AHCYL2: variants seen among roughly 807,000 people sequenced by gnomAD.
AHCYL2 encodes the protein S-adenosylhomocysteine hydrolase-like protein 2.
A neutral mutation model predicts 81.4 loss-of-function variants in AHCYL2; 28 were observed. The ratio of observed to expected loss-of-function variants is 0.34; its 90% CI spans 0.25 to 0.47. AHCYL2 has a LOEUF of 0.47. Ranked by LOEUF, AHCYL2 falls within the 20% of genes least tolerant of loss-of-function variation. AHCYL2 has a pLI of 1.00. For missense variants in AHCYL2, 551 were observed against 785.1 expected (o/e 0.70, Z 3.56); for synonymous variants, 272 against 290.2 (o/e 0.94, Z 0.64).
chr7:129,321,487 A>G (rs1384806438), intron 1 of AHCYL2, among the ~76,000 whole-genome samples: 1 of 152,188 alleles, frequency 6.6e-6, no homozygotes, highest in Non-Finnish European at 1.5e-5. Flanking sequence ...ATGCCAGACC[A>G]ATCTTGCATT....
intron 1 of AHCYL2, among the ~76,000 whole-genome samples, chr7:129,314,624 C>T (rs1396289000): frequency 1.3e-5 from 2 of 152,168 alleles, no homozygotes; most frequent in Non-Finnish European, 2.9e-5. Flanking sequence ...TTTATAAGGG[C>T]ACTAATCCCA....
chr7:129,292,696 G>A (rs1237130076), intron 1 of AHCYL2, among the ~76,000 whole-genome samples: 2 of 152,048 alleles, frequency 1.3e-5, no homozygotes, highest in African/African-American at 2.4e-5. Context: ...GAACCCAGGA[G>A]GCAGAGGTTG....
chr7:129,375,428 A>G (rs56272321), intron 1 of AHCYL2, among the ~76,000 whole-genome samples: 12,877 of 152,150 alleles, frequency 0.085, 764 homozygotes, highest in South Asian at 0.19. Context: ...AAATCATCTG[A>G]CATGGAAAAG....
At chr7:129,382,531 C>T (rs1795007640) in intron 2 of AHCYL2, among the ~76,000 whole-genome samples, 1 of 152,056 alleles carries the variant, frequency 6.6e-6, no homozygotes, top group South Asian at 2.1e-4. Flanking sequence ...ACCCAGGAGA[C>T]AGAGGTTGCA....
At chr7:129,372,140 T>C (rs1197693603) in intron 1 of AHCYL2, among the ~76,000 whole-genome samples, 1 of 152,236 alleles carries the variant, frequency 6.6e-6, no homozygotes, top group Non-Finnish European at 1.5e-5. Context: ...TTAAGAACAC[T>C]TAATTTGAAA....
At chr7:129,235,927 A>C (rs996751169) in intron 1 of AHCYL2, among the ~76,000 whole-genome samples, 2 of 151,676 alleles carry the variant, frequency 1.3e-5, no homozygotes, top group African/African-American at 4.8e-5. Context: ...ATGGTGCTGC[A>C]GTAACTATCT....
intron 1 of AHCYL2, among the ~76,000 whole-genome samples, chr7:129,240,868 A>G (rs1794826233): frequency 6.6e-6 from 1 of 152,098 alleles, no homozygotes; most frequent in Admixed American, 6.6e-5. Context: ...TATGTATTAG[A>G]TATAGAAAGA....
intron 1 of AHCYL2, among the ~76,000 whole-genome samples, chr7:129,338,806 C>T (rs1175299203): frequency 6.6e-6 from 1 of 152,038 alleles, no homozygotes; most frequent in Non-Finnish European, 1.5e-5. Context: ...GTGAATATTT[C>T]CCCCAATTTG....
chr7:129,348,388 CAAT>C (rs1167498831), intron 1 of AHCYL2, among the ~76,000 whole-genome samples: 3 of 150,656 alleles, frequency 2.0e-5, no homozygotes, highest in African/African-American at 7.4e-5. Context: ...GAAAAAGAAA[CAAT>C]AACCCCCCCC....
rs78693543 is a variant in AHCYL2 at position 129,276,432 on chromosome 7, T to A, written c.363+50993T>A. Among the ~76,000 whole-genome samples the A allele has an allele frequency of 6.7e-4, 99 of 148,246 alleles. 1 individual carries two copies. The South Asian group carries it at 7.8e-3, about 12-fold the overall frequency. On this transcript the variant is annotated intron_variant, in intron 1 of 16. Coordinates refer to ENST00000325006, the MANE Select transcript of AHCYL2 (RefSeq NM_015328.4). ...AACCAAGGAAAGTAGAAGGGAAGAA[T>A]AAAAAAAAAAACCAGAACTGAATGA...
At chr7:129,393,500 C>T (rs578047524) in intron 4 of AHCYL2, among the ~76,000 whole-genome samples, 9 of 152,212 alleles carry the variant, frequency 5.9e-5, no homozygotes, top group Non-Finnish European at 1.2e-4. Flanking sequence ...CTTTATCTTA[C>T]TTTGATTTAT....
At chr7:129,323,601 GT>G (rs981691920) in intron 1 of AHCYL2, among the ~76,000 whole-genome samples, 8 of 150,482 alleles carry the variant, frequency 5.3e-5, no homozygotes, top group African/African-American at 7.5e-5. Context: ...GAAGTCTTCT[GT>G]ATCTTTCCTG....
At chr7:129,236,275 A>G (rs1317024314) in intron 1 of AHCYL2, among the ~76,000 whole-genome samples, 1 of 151,568 alleles carries the variant, frequency 6.6e-6, no homozygotes, top group Non-Finnish European at 1.5e-5. Flanking sequence ...ATCTCAGCTC[A>G]CTGCAACCTC....
At chr7:129,354,590 T>C (rs78676283) in intron 1 of AHCYL2, among the ~76,000 whole-genome samples, 4,243 of 152,300 alleles carry the variant, frequency 0.028, 85 homozygotes, top group Admixed American at 0.057. Context: ...TATGTATGGT[T>C]CCTTGCAAGT....
At position 129,403,646 on chromosome 7, in the gene AHCYL2, G is replaced by A. The variant is rs181981428; in HGVS notation, c.1025+161G>A. Among the ~76,000 whole-genome samples, 10 of 151,884 alleles carry A rather than the reference G, an allele frequency of 6.6e-5. No individual in the cohort carries two copies. The East Asian group carries it at 1.6e-3, about 24-fold the overall frequency. On this transcript the variant is annotated intron_variant, in intron 7 of 16. Coordinates refer to ENST00000325006, the MANE Select transcript of AHCYL2 (RefSeq NM_015328.4). ...TGGGAGGCTGAGGTGGGCGGATCAC[G>A]AGGTCAGGAGATCAAGACCATCCTG... is the stretch of plus-strand genomic sequence containing the variant.
chr7:129,405,615 T>C, intron 8 of AHCYL2: 1 of 466,608 alleles, frequency 2.1e-6, no homozygotes, highest in Non-Finnish European at 3.7e-6. Context: ...TTAGTTTCTC[T>C]AGGATAGAAA....
chr7:129,281,587 C>A (rs546414002), intron 1 of AHCYL2, among the ~76,000 whole-genome samples: 1 of 148,526 alleles, frequency 6.7e-6, no homozygotes, highest in East Asian at 2.0e-4. Context: ...AACTCCGCAT[C>A]CTGGGCTCAA....
chr7:129,341,631 G>A (rs1418535679), intron 1 of AHCYL2, among the ~76,000 whole-genome samples: 1 of 152,226 alleles, frequency 6.6e-6, no homozygotes, highest in Non-Finnish European at 1.5e-5. Flanking sequence ...GGCGGCGGCA[G>A]TGGCTGGCAG....
chr7:129,343,610 G>A (rs1793262936), intron 1 of AHCYL2, among the ~76,000 whole-genome samples: 1 of 152,058 alleles, frequency 6.6e-6, no homozygotes, highest in East Asian at 1.9e-4. Context: ...TCCAACAAAT[G>A]GTGCTGGAAC....
Sources: gnomAD v4.1 joint callset for allele counts (sites outside exome capture counted in the v4.1 genomes callset) on GRCh38, gnomAD v4.1.1 for gene constraint, MANE v1.5 for transcripts, NCBI Gene and HGNC (gene_info 2026-07-23, HGNC 2026-07-21) for gene names.